PPP2R3B: variants seen among roughly 807,000 people sequenced by gnomAD.
PPP2R3B encodes serine/threonine-protein phosphatase 2A regulatory subunit B'' subunit beta.
PPP2R3B carries 68 observed loss-of-function variants against 72.9 expected under a neutral mutation model. The observed-to-expected ratio is 0.93, with a 90% CI of 0.77 to 1.14. The LOEUF is 1.14. PPP2R3B is among the 50% of genes most tolerant of loss of function. The pLI, the probability that PPP2R3B is intolerant of heterozygous loss-of-function variation, is 0.00. For missense variants in PPP2R3B, 1,018 were observed against 842.0 expected (o/e 1.21, Z -2.59); for synonymous variants, 466 against 375.8 (o/e 1.24, Z -2.78).
At chrX:376,064 G>A (rs112751991) in intron 1 of PPP2R3B, among the ~76,000 whole-genome samples, 31,533 of 152,104 alleles carry the variant, frequency 0.21, 3,999 homozygotes, top group Non-Finnish European at 0.29. Flanking sequence ...GGTGGCGGGT[G>A]CCTGTCATCC....
At chrX:336,954 T>C (rs1282237845) in intron 12 of PPP2R3B, 2 of 152,018 alleles carry the variant, frequency 1.3e-5, no homozygotes, top group Non-Finnish European at 2.9e-5. Context: ...AAAGTTCAGA[T>C]TGTTTGTTTT....
At chrX:349,602 T>C (rs73613880) in intron 2 of PPP2R3B, among the ~76,000 whole-genome samples, 3,500 of 152,324 alleles carry the variant, frequency 0.023, 147 homozygotes, top group African/African-American at 0.08. Flanking sequence ...CAACACACTG[T>C]GTAGACAATC....
intron 8 of PPP2R3B, 93 bp from the exon 9 acceptor site, chrX:341,489 G>GGCC: frequency 7.9e-7 from 1 of 1,259,602 alleles, no homozygotes; most frequent in Non-Finnish European, 1.2e-6. Flanking sequence ...GGTGAGGGGA[G>GGCC]CCCCCCGGGC....
At chrX:354,193 G>A in intron 2 of PPP2R3B, among the ~76,000 whole-genome samples, 1 of 146,786 alleles carries the variant, frequency 6.8e-6, no homozygotes, top group East Asian at 2.0e-4. Context: ...CAAACACCGG[G>A]GGCTCACCCA....
intron 12 of PPP2R3B, 110 bp downstream of exon 12, chrX:338,494 A>T: frequency 1.9e-6 from 2 of 1,046,386 alleles, no homozygotes. Flanking sequence ...CACCTGACTG[A>T]CCCCGCATCC....
rs1569369681 is a variant in PPP2R3B at position 334,396 on chromosome X, A to ACGCG, written c.1698_1699insCGCG (p.Cys567ArgfsTer35). On this transcript the variant is annotated frameshift_variant, in exon 13 of 13. Transcript: ENST00000390665. LOFTEE classifies it high-confidence loss of function. ...AGCGGCTCCAGGTCCTCGTCCCCGC[A>ACGCG]TGCGTACTCGTACAGGTCCACGGCG... The ACGCG allele has an allele frequency of 6.4e-7, 1 of 1,553,330 alleles. No homozygotes were observed. Among genetic ancestry groups the ACGCG allele is most frequent in the South Asian group, 1.2e-5 (1 of 84,862 alleles).
intron 1 of PPP2R3B, chrX:373,595 CA>C: frequency 3.4e-6 from 1 of 293,054 alleles, no homozygotes; most frequent in South Asian, 2.6e-5. Flanking sequence ...AGCCGCGGGC[CA>C]GTGAGGCCAG....
intron 1 of PPP2R3B, among the ~76,000 whole-genome samples, chrX:367,095 T>G (rs1265209463): frequency 1.3e-5 from 2 of 151,672 alleles, no homozygotes. Flanking sequence ...TGCACCCCAT[T>G]AACAGACACT....
At chrX:357,263 G>A (rs1005836860) in intron 2 of PPP2R3B, among the ~76,000 whole-genome samples, 5 of 152,188 alleles carry the variant, frequency 3.3e-5, no homozygotes, top group African/African-American at 1.2e-4. Context: ...TCCTGCCTAT[G>A]AGGATGGATA....
chrX:346,568 A>T, intron 5 of PPP2R3B, 133 bp downstream of exon 5: 1 of 862,244 alleles, frequency 1.2e-6, no homozygotes, highest in Non-Finnish European at 1.8e-6. Flanking sequence ...ACTCTCCCAG[A>T]GCGCGGCCGC....
Position 346,688 on chromosome X carries a change from G to C in PPP2R3B, c.792+13C>G, listed in dbSNP as rs754919710. ...CCGCGCTGGAACCGACGGCCCCTCC[G>C]CTGGGGACCCACCGTGGTGATGTAG... is the stretch of plus-strand genomic sequence containing the variant. On this transcript the variant is annotated intron_variant, in intron 5 of 12. Transcript: ENST00000390665. 2.5e-6 allele frequency: 4 copies of C among 1,603,094 alleles called. No homozygotes were observed. The highest frequency in any genetic ancestry group is 3.4e-6 in the Non-Finnish European group (4 of 1,173,896).
At chrX:346,341 G>A (rs982748705) in intron 5 of PPP2R3B, 81 bp from the exon 6 acceptor site, 22 of 1,398,088 alleles carry the variant, frequency 1.6e-5, no homozygotes, top group Non-Finnish European at 2.2e-5. Context: ...AGCCGGGAGA[G>A]GGGCGCGCCC....
In PPP2R3B at chrX:340,456, T is replaced by A. The variant is rs761592462; in HGVS notation, c.1351+309A>T. On this transcript the variant is annotated intron_variant, in intron 10 of 12. Transcript: ENST00000390665. Reference sequence around the variant, plus strand: ...TCCCCTCACCCTGGTCCGTCCCCCCTCCCGTCTGTCCCCTCACCCTGGGCC... The same window carrying A: ...TCCCCTCACCCTGGTCCGTCCCCCCACCCGTCTGTCCCCTCACCCTGGGCC... Among the ~76,000 whole-genome samples, 259 of 67,236 alleles carry A rather than the reference T, an allele frequency of 3.9e-3. 24 individuals are homozygous for A. The highest frequency in any genetic ancestry group is 0.018 in the Middle Eastern group (2 of 110). The allele number at this position is 67,236 out of a possible 152,430, so 44.1% of individuals were successfully genotyped here.
chrX:341,038 C>T (rs1603039425), intron 9 of PPP2R3B, 98 bp from the exon 10 acceptor site: 2 of 1,494,838 alleles, frequency 1.3e-6, no homozygotes, highest in South Asian at 2.5e-5. Context: ...CACGCGTCCC[C>T]GCTGTGCCTT....
intron 11 of PPP2R3B, 21 bp downstream of exon 11, chrX:338,757 C>G (rs189815901): frequency 1.2e-6 from 2 of 1,611,928 alleles, no homozygotes; most frequent in Non-Finnish European, 1.7e-6. Context: ...GCGGCCCGGC[C>G]CGCGTGCCCG....
At chrX:379,368 G>C (rs1385993335) in intron 1 of PPP2R3B, among the ~76,000 whole-genome samples, 5 of 151,440 alleles carry the variant, frequency 3.3e-5, no homozygotes, top group African/African-American at 1.2e-4. Flanking sequence ...GCACCTATGT[G>C]TGTATGTACC....
At chrX:345,147 T>C (rs1261206421) in intron 7 of PPP2R3B, 1 of 516,314 alleles carries the variant, frequency 1.9e-6, no homozygotes, top group Admixed American at 2.3e-5. Context: ...CTCCAGGCCT[T>C]GGGGGCTGGA....
At chrX:363,389 TC>T (rs2071590839) in intron 1 of PPP2R3B, among the ~76,000 whole-genome samples, 1 of 148,646 alleles carries the variant, frequency 6.7e-6, no homozygotes, top group African/African-American at 2.5e-5. Flanking sequence ...ACAGTGCATC[TC>T]CCCGAGCCCG....
chrX:383,047 A>G (rs1417608407), intron 1 of PPP2R3B, among the ~76,000 whole-genome samples: 1 of 152,108 alleles, frequency 6.6e-6, no homozygotes, highest in African/African-American at 2.4e-5. Context: ...ACTGGGCCGG[A>G]GCTCAAGAGA....
Sources: allele counts gnomAD v4.1 joint callset (sites outside exome capture counted in the v4.1 genomes callset), GRCh38; gene constraint gnomAD v4.1.1; transcripts MANE v1.5; gene names NCBI Gene and HGNC (gene_info 2026-07-23, HGNC 2026-07-21).